Variants in EVPL observed in about 807,000 individuals in gnomAD.
The protein encoded by EVPL is 210 kDa cornified envelope precursor protein.
In EVPL, 94 loss-of-function variants were observed where a neutral mutation model predicts 129.7. The ratio of observed to expected loss-of-function variants is 0.72; its 90% confidence interval spans 0.61 to 0.86. EVPL has a LOEUF of 0.86. EVPL is among the 40% of genes least tolerant of loss of function. The pLI is 0.00. For missense variants in EVPL, 2,625 were observed against 2,721.1 expected, an observed-to-expected ratio of 0.96 and a Z score of 0.79; for synonymous variants, 1,172 against 1,191.1, an observed-to-expected ratio of 0.98 and a Z score of 0.33.
Position 76,011,898 on chromosome 17 carries a change from A to G in EVPL, c.2458-16T>C, listed in dbSNP as rs138628031. On this transcript the variant is annotated splice_polypyrimidine_tract_variant and intron_variant, in intron 19 of 21. Transcript: ENST00000301607. The stretch of plus-strand genomic sequence containing the variant: ...GCTCATAGTCCTGAGCAGGGAGGAA[A>G]GGACAGCAGGCTGGCAACCAGTGGG... The G allele has an allele frequency of 4.0e-4, 643 of 1,612,234 alleles. 4 individuals carry two copies. In the African/African-American group the frequency reaches 8.0e-3, roughly 20 times the overall value.
Position 76,024,101 on chromosome 17 carries a change from C to A in EVPL, c.118G>T (p.Ala40Ser). The A allele has an allele frequency of 6.2e-7, 1 of 1,613,748 alleles. No homozygotes were observed. Among genetic ancestry groups the A allele is most frequent in the Non-Finnish European group, 8.5e-7 (1 of 1,179,932 alleles). The stretch of plus-strand genomic sequence containing the variant: ...GCTTGCATGCGGGAGATGAGAAGGG[C>A]CAGCTCCTGGGTGGCAGCCCTAGTG... ...RHSRAATQELALLISRMQANA... is the reference protein window; with the variant it reads ...RHSRAATQELSLLISRMQANA... Residue 40 changes from alanine (A) to serine (S), a missense_variant, in exon 2 of 22, where the codon GCC (alanine) becomes TCC (serine). Coordinates refer to ENST00000301607, the MANE Select transcript of EVPL (RefSeq NM_001988.4). This position sits in a 1 kb window ranked among gnomAD's most constrained non-coding sequence, Gnocchi z 4.5.
chr17:76,012,945 C>T (rs369567871), intron 18 of EVPL, among the ~76,000 whole-genome samples: 191 of 151,914 alleles, frequency 1.3e-3, no homozygotes, highest in South Asian at 2.9e-3. Context: ...GGGGTTTCAC[C>T]GTGTTAGCCA....
intron 9 of EVPL, among the ~76,000 whole-genome samples, 155 bp downstream of exon 9, chr17:76,021,313 C>T (rs960045143): frequency 5.3e-5 from 8 of 152,176 alleles, no homozygotes; most frequent in African/African-American, 1.9e-4. Context: ...GCCTCGGCCT[C>T]CCAAAGTGCT....
In EVPL at chr17:76,017,766, G is replaced by A. The variant is rs767733923; in HGVS notation, c.1683C>T (p.Asp561=). ...CATGGCTGTGGATGCGGCCCTCCAA[G>A]TCCTCCAAGGGTGTGGGGCGGCTCA... ...APLSRPTPLE[D]LEGRIHSHEG... Residue 561 remains aspartate (D), a synonymous_variant, in exon 14 of 22, where the codon GAC becomes GAT. Coordinates refer to ENST00000301607, the MANE Select transcript of EVPL (RefSeq NM_001988.4). The A allele has an allele frequency of 5.0e-6, 8 of 1,612,860 alleles. No homozygotes were observed. The highest frequency in any genetic ancestry group is 2.2e-5 in the East Asian group (1 of 44,878).
rs1393857348 is a variant in EVPL at position 76,020,321 on chromosome 17, A to T, written c.1012-668T>A. Among the ~76,000 whole-genome samples, 5 of 152,128 alleles carry T rather than the reference A, an allele frequency of 3.3e-5. No individual in the cohort carries two copies. In the East Asian group the frequency reaches 5.8e-4, roughly 18 times the overall value. ...GGGTCTTATTTGTGCACTGAACTTA[A>T]TTTTTTTAAGTGGGTCATAAAACAC... On this transcript the variant is annotated intron_variant, in intron 9 of 21. Coordinates refer to ENST00000301607, the MANE Select transcript of EVPL (RefSeq NM_001988.4).
Position 76,015,276 on chromosome 17 carries a change from G to C in EVPL, c.1979C>G (p.Pro660Arg), listed in dbSNP as rs756780349. The C allele has an allele frequency of 1.9e-6, 3 of 1,602,662 alleles. No individual in the cohort carries two copies. Among genetic ancestry groups the C allele is most frequent in the African/African-American group, 1.3e-5 (1 of 74,896 alleles). Residue 660 changes from proline to arginine, a missense_variant, in exon 16 of 22, where the codon CCC becomes CGC. By Grantham distance (103) the Pro-to-Arg change is moderately radical (BLOSUM62 -2). Transcript: ENST00000301607. Reference sequence around the variant, plus strand: ...CAGAGCCCCCGGTTCAGCAGGGATGGGGGCCTCCTGCACCAGGGTGGCCTC... The same window carrying C: ...CAGAGCCCCCGGTTCAGCAGGGATGCGGGCCTCCTGCACCAGGGTGGCCTC... ...GFEATLVQEAPIPAEPGALQE... is the reference protein window; with the variant it reads ...GFEATLVQEARIPAEPGALQE...
In EVPL at chr17:76,008,449, C is replaced by A. The variant is rs748292820; in HGVS notation, c.4756G>T (p.Asp1586Tyr). The change falls in exon 22 of 22, where the codon GAC (aspartate) becomes TAC (tyrosine). Residue 1586 changes from aspartate to tyrosine, a missense_variant. Coordinates refer to ENST00000301607, the MANE Select transcript of EVPL (RefSeq NM_001988.4). This position sits in a 1 kb window ranked among gnomAD's most constrained non-coding sequence, Gnocchi z 7.4. ...CGCCCACACTCCTGGTCGGCCTGGT[C>A]CCGGGCCCTCTGCAGCTCGGACTCC... ...REESELQRAR[D>Y]QADQECGRLQ... The A allele has an allele frequency of 1.9e-6, 3 of 1,592,660 alleles. No homozygotes were observed. Among genetic ancestry groups the A allele is most frequent in the Admixed American group, 3.4e-5 (2 of 58,280 alleles).
intron 20 of EVPL, 47 bp from the exon 21 acceptor site, chr17:76,011,715 T>C: frequency 6.2e-7 from 1 of 1,611,022 alleles, no homozygotes; most frequent in Non-Finnish European, 8.5e-7. Context: ...AGCTCCTGCC[T>C]TGGACCCTAC....
In EVPL at chr17:76,009,157, C is replaced by A. The variant is rs145559993; in HGVS notation, c.4048G>T (p.Ala1350Ser). Residue 1350 changes from alanine (A) to serine (S), a missense_variant, in exon 22 of 22, where the codon GCG becomes TCG. Ala to Ser is a moderately conservative substitution (Grantham distance 99). Transcript: ENST00000301607. The surrounding 1 kb of genome is among the most constrained non-coding windows in gnomAD (Gnocchi z 5.9). Reference sequence around the variant, plus strand: ...CGCTTGCTCTGCAGCTCGTACACCGCGTCCTCCGCGGCCCGCCTCTTCTGG... The same window carrying A: ...CGCTTGCTCTGCAGCTCGTACACCGAGTCCTCCGCGGCCCGCCTCTTCTGG... ...AAQKRRAAED[A>S]VYELQSKRLL... 1.9e-6 allele frequency: 3 copies of A among 1,609,302 alleles called. No homozygotes were observed. The highest frequency in any genetic ancestry group is 2.2e-5 in the East Asian group (1 of 44,872).
intron 9 of EVPL, among the ~76,000 whole-genome samples, chr17:76,020,582 C>A (rs891582646): frequency 1.3e-5 from 2 of 150,750 alleles, no homozygotes; most frequent in African/African-American, 4.9e-5. Context: ...CCCCCAAATC[C>A]CAGTTGCATA....
rs2066434489 is a variant in EVPL at position 76,018,539 on chromosome 17, A to G, written c.1346T>C (p.Val449Ala). The change falls in exon 12 of 22, where the codon GTC becomes GCC. Residue 449 changes from valine (V) to alanine (A), a missense_variant. Transcript: ENST00000301607. ...GGTCTCCCCGCCAGGGCCCTGCACG[A>G]CCCAGGCGTGCGGGTCAGTGTTATC... ...LVDNTDPHAWVVQGPGGETKR... is the reference protein window; with the variant it reads ...LVDNTDPHAWAVQGPGGETKR... 1 of 1,612,530 alleles carries G rather than the reference A, an allele frequency of 6.2e-7. No individual in the cohort carries two copies. Among genetic ancestry groups the G allele is most frequent in the Non-Finnish European group, 8.5e-7 (1 of 1,179,862 alleles).
chr17:76,011,729 G>A, intron 20 of EVPL, 43 bp downstream of exon 20: 1 of 1,610,062 alleles, frequency 6.2e-7, no homozygotes, highest in African/African-American at 1.3e-5. Context: ...ACCCTACAGA[G>A]CTGGTGTCAA....
rs751154174 is a variant in EVPL at position 76,022,464 on chromosome 17, C to T, written c.555G>A (p.Leu185=). ...LEQQIAEHNI[L]QKEIDAYGQQ... ...GCCCATAGGCGTCGATCTCCTTCTG[C>T]AGGATGTTGTGCTCGGCGATCTGTT... is the stretch of plus-strand genomic sequence containing the variant. Residue 185 remains leucine (L), a synonymous_variant, in exon 5 of 22, where the codon CTG becomes CTA. Coordinates refer to ENST00000301607, the MANE Select transcript of EVPL (RefSeq NM_001988.4). The surrounding 1 kb of genome is among the most constrained non-coding windows in gnomAD (Gnocchi z 5.6). 8.7e-6 allele frequency: 14 copies of T among 1,613,672 alleles called. No individual in the cohort carries two copies. The South Asian group carries it at 8.8e-5, about 10-fold the overall frequency.
chr17:76,009,960 A>C lies in EVPL; in HGVS notation c.3245T>G (p.Val1082Gly). 6.2e-7 allele frequency: 1 copy of C among 1,613,702 alleles called. No homozygotes were observed. The highest frequency in any genetic ancestry group is 8.5e-7 in the Non-Finnish European group (1 of 1,179,920). ...EKVVVKEVVK[V>G]EKNLEMVKAA... ...CTTGACCATTTCCAGATTCTTCTCC[A>C]CCTTGACTACCTCTTTCACCACGAC... is the stretch of plus-strand genomic sequence containing the variant. The change falls in exon 22 of 22, where the codon GTG becomes GGG. Residue 1082 changes from valine to glycine, a missense_variant. This residue lies in a region of EVPL where 1,453 missense variants were observed against 1,511.8 expected (regional missense o/e 0.96). Coordinates refer to ENST00000301607, the MANE Select transcript of EVPL (RefSeq NM_001988.4). This position sits in a 1 kb window ranked among gnomAD's most constrained non-coding sequence, Gnocchi z 5.9.
Position 76,018,810 on chromosome 17 carries a change from C to A in EVPL, c.1284+104G>T, listed in dbSNP as rs531620399. The stretch of plus-strand genomic sequence containing the variant: ...AGGGAAGGAGTAGGGCAAAAGTGGG[C>A]GCAGGAGACAGCTGGGGATGGAGCA... On this transcript the variant is annotated intron_variant, in intron 11 of 21. Coordinates refer to ENST00000301607, the MANE Select transcript of EVPL (RefSeq NM_001988.4). 12 of 1,359,096 alleles carry A rather than the reference C, an allele frequency of 8.8e-6. No homozygotes were observed. In the African/African-American group the frequency reaches 1.7e-4, roughly 20 times the overall value. 84.2% of individuals were successfully genotyped at this position (1,359,096 alleles called of 1,614,324 possible).
rs901365830 is a variant in EVPL, at chr17:76,014,332, G to C, written c.2373+94C>G. ...GCCAGGGAAGGGGCCCAGGGCCTCC[G>C]TGGCCTGGGCTTTGAAGCCCCTTAG... On this transcript the variant is annotated intron_variant, in intron 18 of 21. Transcript: ENST00000301607. The C allele has an allele frequency of 7.6e-5, 111 of 1,466,172 alleles. No homozygotes were observed. The Middle Eastern group carries it at 1.3e-3, about 17-fold the overall frequency. The allele number at this position is 1,466,172 out of a possible 1,614,324, so 90.8% of individuals were successfully genotyped here. A position where few individuals can be genotyped will look rare whatever the true frequency, so the allele number is the denominator to read the frequency against.
rs1202561992 is a variant in EVPL at position 76,008,572 on chromosome 17, T to C, written c.4633A>G (p.Arg1545Gly). The C allele has an allele frequency of 6.2e-7, 1 of 1,610,596 alleles. No homozygotes were observed. Among genetic ancestry groups the C allele is most frequent in the Non-Finnish European group, 8.5e-7 (1 of 1,179,996 alleles). ...ERARVWEMLNRERTARQAREE... is the reference protein window; with the variant it reads ...ERARVWEMLNGERTARQAREE... The stretch of plus-strand genomic sequence containing the variant: ...CGGGCCTGCCGGGCCGTGCGCTCCC[T>C]GTTGAGCATCTCCCACACGCGGGCC... Residue 1545 changes from arginine (R) to glycine (G), a missense_variant, in exon 22 of 22, where the codon AGG becomes GGG. Arg to Gly is a moderately radical substitution (Grantham distance 125). Coordinates refer to ENST00000301607, the MANE Select transcript of EVPL (RefSeq NM_001988.4). This position sits in a 1 kb window ranked among gnomAD's most constrained non-coding sequence, Gnocchi z 7.4.
In EVPL at chr17:76,023,273, G is replaced by A; in HGVS notation, c.480+19C>T. 1 of 1,613,616 alleles carries A rather than the reference G, an allele frequency of 6.2e-7. No homozygotes were observed. Among genetic ancestry groups the A allele is most frequent in the African/African-American group, 1.3e-5 (1 of 75,032 alleles). On this transcript the variant is annotated intron_variant, in intron 4 of 21. Coordinates refer to ENST00000301607, the MANE Select transcript of EVPL (RefSeq NM_001988.4). ...TATCGCCCTCTGATCACACTGGGGT[G>A]TGACTTTGAGTTCCTGACCTGTTTC...
chr17:76,015,354 G>A lies in EVPL; in HGVS notation c.1901C>T (p.Ala634Val), dbSNP rs1164864458. 1.2e-6 allele frequency: 2 copies of A among 1,603,918 alleles called. No homozygotes were observed. Among genetic ancestry groups the A allele is most frequent in the Non-Finnish European group, 8.5e-7 (1 of 1,178,436 alleles). The change falls in exon 16 of 22, where the codon GCC becomes GTC. Residue 634 changes from alanine to valine, a missense_variant. Transcript: ENST00000301607. ...CSLYGEKAKA[A>V]LDLERQIQDA... is the part of the protein sequence containing the mutation. The stretch of plus-strand genomic sequence containing the variant: ...CTGGATCTGCCGCTCCAGATCCAGG[G>A]CAGCCTTGGCTCTGCCGCAGAGGAG...
Sources: gnomAD v4.1 joint callset for allele counts (sites outside exome capture counted in the v4.1 genomes callset) on GRCh38, gnomAD v4.1.1 for gene constraint, gnomAD v4.1.1 regional missense constraint, Gnocchi (gnomAD v3.1) non-coding constraint, MANE v1.5 for transcripts, NCBI Gene and HGNC (gene_info 2026-07-23, HGNC 2026-07-21) for gene names.